Variants in CCDC198 observed in about 807,000 individuals in gnomAD.
CCDC198 encodes coiled-coil domain containing 198.
In CCDC198, 18 loss-of-function variants were observed where a neutral mutation model predicts 35.6. That is an observed-to-expected ratio of 0.51 (90% CI 0.35 to 0.75). CCDC198 has a LOEUF of 0.75. Among genes scored for constraint, CCDC198 ranks in the 30% least tolerant of loss-of-function variants. CCDC198 has a pLI of 0.01. For missense variants in CCDC198, 365 were observed against 343.7 expected, an observed-to-expected ratio of 1.06 and a Z score of -0.49; for synonymous variants, 119 against 113.4, an observed-to-expected ratio of 1.05 and a Z score of -0.31.
chr14:57,490,897 A>G (rs2139564645), intron 2 of CCDC198, 92 bp downstream of exon 2: 2 of 1,200,096 alleles, frequency 1.7e-6, no homozygotes, highest in Non-Finnish European at 2.4e-6. Flanking sequence ...CTTGGTCCTT[A>G]TCAATATCCC....
chr14:57,483,769 G>A lies in CCDC198; in HGVS notation c.307-618C>T, dbSNP rs138710348. Among the ~76,000 whole-genome samples the A allele has an allele frequency of 1.2e-3, 187 of 152,260 alleles. 5 individuals are homozygous for A. The East Asian group carries it at 0.031, about 26-fold the overall frequency. ...CATGTCAACCGGTCTGCCTCCAGCC[G>A]GATCTTGATCACTGAGAAGTGATCA... On this transcript the variant is annotated intron_variant, in intron 2 of 5. Coordinates refer to ENST00000216445, the MANE Select transcript of CCDC198 (RefSeq NM_018168.4).
At chr14:57,475,690 G>A (rs187373623) in intron 5 of CCDC198, 1 of 408,138 alleles carries the variant, frequency 2.5e-6, no homozygotes, top group Non-Finnish European at 4.8e-6. Context: ...CTGGGTAACA[G>A]GAGCGAAACT....
chr14:57,484,551 G>T (rs1270105885), intron 2 of CCDC198, among the ~76,000 whole-genome samples: 2 of 152,208 alleles, frequency 1.3e-5, no homozygotes, highest in Non-Finnish European at 2.9e-5. Flanking sequence ...GTGCCTTAAG[G>T]TAGTACCTTT....
At chr14:57,478,989 T>C (rs770720854) in intron 5 of CCDC198, 2 of 1,289,350 alleles carry the variant, frequency 1.6e-6, no homozygotes, top group Non-Finnish European at 2.0e-6. Context: ...GATCTGTGTG[T>C]GTGAACAATA....
At chr14:57,474,906 T>A (rs1161715257) in intron 5 of CCDC198, among the ~76,000 whole-genome samples, 2 of 152,204 alleles carry the variant, frequency 1.3e-5, no homozygotes, top group Non-Finnish European at 2.9e-5. Context: ...GTATTTTATG[T>A]GTTTCAGAAA....
chr14:57,481,613 G>T lies in CCDC198; in HGVS notation c.441C>A (p.Asn147Lys). The T allele has an allele frequency of 6.2e-7, 1 of 1,612,154 alleles. No individual in the cohort carries two copies. The highest frequency in any genetic ancestry group is 8.5e-7 in the Non-Finnish European group (1 of 1,179,256). ...KMQTPMYTSENRQYLHKMQVL... is the reference protein window; with the variant it reads ...KMQTPMYTSEKRQYLHKMQVL... ...CTTGCATCTTATGCAAATATTGTCT[G>T]TTCTCAGAAGTATACATTGGAGTTT... The change falls in exon 4 of 6, where the codon AAC (asparagine) becomes AAA (lysine). Residue 147 changes from asparagine (N) to lysine (K), a missense_variant. Transcript: ENST00000216445.
rs115734995 is a variant in CCDC198, at chr14:57,472,793, C to A, written c.656-1203G>T. ...ATTCTTTATAAGGCACTCCAGAAAG[C>A]AACAGGAGCTTTGTTCAAGGAAAGC... On this transcript the variant is annotated intron_variant, in intron 5 of 5. Coordinates refer to ENST00000216445, the MANE Select transcript of CCDC198 (RefSeq NM_018168.4). 2.4e-3 allele frequency among the ~76,000 whole-genome samples: 369 copies of A among 152,244 alleles called. 2 individuals are homozygous for A. Among genetic ancestry groups the A allele is most frequent in the African/African-American group, 8.4e-3 (349 of 41,552 alleles).
intron 2 of CCDC198, among the ~76,000 whole-genome samples, chr14:57,486,811 T>C (rs1566588971): frequency 6.6e-6 from 1 of 152,172 alleles, no homozygotes; most frequent in Non-Finnish European, 1.5e-5. Flanking sequence ...CTTTCTTCCA[T>C]TTTCAGCCTT....
intron 2 of CCDC198, among the ~76,000 whole-genome samples, chr14:57,486,995 C>T (rs2067384366): frequency 6.6e-6 from 1 of 152,094 alleles, no homozygotes; most frequent in Non-Finnish European, 1.5e-5. Flanking sequence ...TTCATTAAAT[C>T]CTTTGCCACT....
chr14:57,475,261 A>T (rs1314719514), intron 5 of CCDC198: 1 of 603,778 alleles, frequency 1.7e-6, no homozygotes, highest in Non-Finnish European at 2.1e-6. Context: ...ACTCCATCTC[A>T]AAATAAATAA....
chr14:57,493,810 C>G lies in CCDC198; in HGVS notation c.-95G>C, dbSNP rs1229102449. The G allele has an allele frequency of 1.1e-6, 1 of 934,588 alleles. No individual in the cohort carries two copies. The highest frequency in any genetic ancestry group is 1.6e-6 in the Non-Finnish European group (1 of 626,542). 57.9% of individuals were successfully genotyped at this position (934,588 alleles called of 1,614,324 possible). On this transcript the variant is annotated 5_prime_UTR_variant, in exon 1 of 6. Coordinates refer to ENST00000216445, the MANE Select transcript of CCDC198 (RefSeq NM_018168.4). ...TAATCAAAGCATTTCAGAAGTTTAC[C>G]CTCGCTTTACAAAGCAGTCATTTCC... is the stretch of plus-strand genomic sequence containing the variant.
chr14:57,482,204 C>T (rs2067211202), intron 3 of CCDC198, among the ~76,000 whole-genome samples: 1 of 152,150 alleles, frequency 6.6e-6, no homozygotes, highest in African/African-American at 2.4e-5. Flanking sequence ...CATCTCCCCG[C>T]CAGTGCATCA....
chr14:57,483,219 A>G (rs2067246580), intron 2 of CCDC198, 68 bp from the exon 3 acceptor site: 1 of 1,611,090 alleles, frequency 6.2e-7, no homozygotes, highest in Non-Finnish European at 8.5e-7. Context: ...GAAAAGCCAG[A>G]CATTAAATTA....
chr14:57,493,822 A>G lies in CCDC198; in HGVS notation c.-107T>C. On this transcript the variant is annotated 5_prime_UTR_variant, in exon 1 of 6. Transcript: ENST00000216445. ...TTCAGAAGTTTACCCTCGCTTTACAAAGCAGTCATTTCCTTCATGGCATCC... is the reference window on the plus strand; with the variant it reads ...TTCAGAAGTTTACCCTCGCTTTACAGAGCAGTCATTTCCTTCATGGCATCC... 3.5e-6 allele frequency: 3 copies of G among 848,918 alleles called. No homozygotes were observed. The highest frequency in any genetic ancestry group is 5.4e-6 in the Non-Finnish European group (3 of 553,536). 52.6% of individuals were successfully genotyped at this position (848,918 alleles called of 1,614,324 possible).
chr14:57,478,897 C>A, intron 5 of CCDC198: 1 of 1,235,920 alleles, frequency 8.1e-7, no homozygotes, highest in Non-Finnish European at 1.0e-6. Context: ...TTCAAGACCT[C>A]CAGAGACATA....
At chr14:57,482,239 C>T (rs562349154) in intron 3 of CCDC198, among the ~76,000 whole-genome samples, 4 of 152,276 alleles carry the variant, frequency 2.6e-5, no homozygotes, top group African/African-American at 7.2e-5. Flanking sequence ...ACAGTGCAGA[C>T]GGTTATTGAG....
chr14:57,491,095 G>A, intron 1 of CCDC198, 24 bp from the exon 2 acceptor site: 2 of 1,602,654 alleles, frequency 1.2e-6, no homozygotes, highest in Admixed American at 1.7e-5. Context: ...GGAAGAAACA[G>A]GAATAAAACA....
At position 57,493,746 on chromosome 14, in the gene CCDC198, C is replaced by T. The variant is rs767552093; in HGVS notation, c.-31G>A. 8.4e-6 allele frequency: 13 copies of T among 1,555,770 alleles called. No individual in the cohort carries two copies. The highest frequency in any genetic ancestry group is 4.1e-5 in the African/African-American group (3 of 73,848). ...GTGAAAGACATTCAGAGGAAAGCTG[C>T]GAGGGAAGTGGTTTTGGGGTCTTTA... On this transcript the variant is annotated 5_prime_UTR_variant, in exon 1 of 6. Coordinates refer to ENST00000216445, the MANE Select transcript of CCDC198 (RefSeq NM_018168.4).
intron 2 of CCDC198, 34 bp downstream of exon 2, chr14:57,490,955 A>G: frequency 6.7e-7 from 1 of 1,497,984 alleles, no homozygotes; most frequent in East Asian, 2.3e-5. Context: ...TTTATCCAAG[A>G]AATTCCTTAT....
Sources: gnomAD v4.1 joint callset for allele counts (sites outside exome capture counted in the v4.1 genomes callset) on GRCh38, gnomAD v4.1.1 for gene constraint, MANE v1.5 for transcripts, NCBI Gene and HGNC (gene_info 2026-07-23, HGNC 2026-07-21) for gene names.